XYLT1: variants seen among roughly 807,000 people sequenced by gnomAD.
XYLT1 encodes the protein xylosyltransferase 1, also known as beta-D-xylosyltransferase 1.
A neutral mutation model predicts 91.3 loss-of-function variants in XYLT1; 36 were observed. That is an observed-to-expected ratio of 0.39 (90% CI 0.30 to 0.52). The LOEUF is 0.52. Ranked by LOEUF, XYLT1 falls within the 20% of genes least tolerant of loss-of-function variation. The pLI, the probability that XYLT1 is intolerant of heterozygous loss-of-function variation, is 0.68. For missense variants in XYLT1, 1,242 were observed against 1,284.5 expected (o/e 0.97, Z 0.51); for synonymous variants, 588 against 532.0 (o/e 1.11, Z -1.45).
At chr16:17,437,712 C>T (rs757144864) in intron 1 of XYLT1, among the ~76,000 whole-genome samples, 1 of 152,150 alleles carries the variant, frequency 6.6e-6, no homozygotes, top group Non-Finnish European at 1.5e-5. Context: ...TCTCCCCATG[C>T]ACCAATTACA....
chr16:17,285,939 TGAGAGA>T (rs759536733), intron 2 of XYLT1, among the ~76,000 whole-genome samples: 1 of 120,136 alleles, frequency 8.3e-6, no homozygotes, highest in Non-Finnish European at 1.8e-5. Flanking sequence ...TGTGAGTGAG[TGAGAGA>T]GAGAGAGAAA....
Position 17,470,756 on chromosome 16 carries a change from G to T in XYLT1, c.41C>A (p.Ser14Ter), listed in dbSNP as rs558470371. 1 of 1,097,616 alleles carries T rather than the reference G, an allele frequency of 9.1e-7. No individual in the cohort carries two copies. The highest frequency in any genetic ancestry group is 2.3e-5 in the South Asian group (1 of 44,396). 68.0% of individuals were successfully genotyped at this position (1,097,616 alleles called of 1,614,324 possible). The change falls in exon 1 of 12, where the codon TCG becomes TAG. Residue 14 changes from serine (S) to a stop codon, truncating the protein, a stop_gained. Transcript: ENST00000261381. LOFTEE classifies it high-confidence loss of function. ...APCARRLARR[S>*]HSALLAALTV... ...GAGCGCCGCGAGCAGCGCCGAGTGC[G>T]AGCGCCGGGCCAGCCTCCGGGCGCA...
chr16:17,252,947 A>G (rs576290488), intron 3 of XYLT1, among the ~76,000 whole-genome samples: 2 of 152,322 alleles, frequency 1.3e-5, no homozygotes, highest in South Asian at 2.1e-4. Flanking sequence ...GCTTATATGT[A>G]TATGAATATT....
intron 5 of XYLT1, among the ~76,000 whole-genome samples, chr16:17,167,288 T>A (rs2031711363): frequency 6.6e-6 from 1 of 152,284 alleles, no homozygotes; most frequent in Non-Finnish European, 1.5e-5. Flanking sequence ...TCAAGGGGAC[T>A]GTTGTTGAGT....
chr16:17,449,060 G>C (rs2036630866), intron 1 of XYLT1, among the ~76,000 whole-genome samples: 1 of 152,160 alleles, frequency 6.6e-6, no homozygotes, highest in African/African-American at 2.4e-5. Context: ...GGACGTTTTG[G>C]TGGAGAAGGA....
intron 2 of XYLT1, among the ~76,000 whole-genome samples, chr16:17,296,445 G>A (rs1387815873): frequency 6.6e-6 from 1 of 152,140 alleles, no homozygotes; most frequent in African/African-American, 2.4e-5. Context: ...TTGTGTGGGT[G>A]ATTAAAGCAG....
intron 3 of XYLT1, among the ~76,000 whole-genome samples, chr16:17,233,518 C>T (rs564397297): frequency 3.9e-5 from 6 of 152,214 alleles, no homozygotes; most frequent in South Asian, 4.1e-4. Context: ...CCTGCAGACG[C>T]GCCCTGCTTC....
At chr16:17,402,037 G>A (rs1459451958) in intron 1 of XYLT1, among the ~76,000 whole-genome samples, 2 of 152,002 alleles carry the variant, frequency 1.3e-5, no homozygotes, top group Non-Finnish European at 2.9e-5. Context: ...GGTGGCTCAC[G>A]CCTGTAATCC....
At chr16:17,374,254 T>C (rs1047570384) in intron 1 of XYLT1, among the ~76,000 whole-genome samples, 1 of 151,932 alleles carries the variant, frequency 6.6e-6, no homozygotes, top group African/African-American at 2.4e-5. Flanking sequence ...AGAAGGTGAG[T>C]AGCATATGAT....
chr16:17,356,191 T>C (rs2035292613), intron 2 of XYLT1, among the ~76,000 whole-genome samples: 1 of 152,174 alleles, frequency 6.6e-6, no homozygotes, highest in Admixed American at 6.5e-5. Context: ...CCCCCCGGTT[T>C]AGAACCATTA....
intron 1 of XYLT1, among the ~76,000 whole-genome samples, chr16:17,416,260 G>A (rs1348483728): frequency 1.3e-5 from 2 of 152,370 alleles, no homozygotes; most frequent in South Asian, 2.1e-4. Context: ...GATAAACTGT[G>A]AGACTCCACG....
chr16:17,321,411 G>T (rs2034719297), intron 2 of XYLT1, among the ~76,000 whole-genome samples: 1 of 125,034 alleles, frequency 8.0e-6, no homozygotes, highest in Non-Finnish European at 1.6e-5. Flanking sequence ...AGGCTGGAGT[G>T]CAGTGGCATG....
intron 1 of XYLT1, among the ~76,000 whole-genome samples, chr16:17,417,652 C>T (rs1363665323): frequency 3.9e-5 from 6 of 152,272 alleles, no homozygotes; most frequent in East Asian, 1.9e-4. Context: ...TAGGCATATG[C>T]GTCAGATTCA....
chr16:17,122,367 A>C (rs2030094286), intron 10 of XYLT1, among the ~76,000 whole-genome samples: 1 of 152,128 alleles, frequency 6.6e-6, no homozygotes. Context: ...GCATTTTTTC[A>C]TATGTTCGTT....
chr16:17,313,286 C>T (rs1406037637), intron 2 of XYLT1, among the ~76,000 whole-genome samples: 3 of 152,196 alleles, frequency 2.0e-5, no homozygotes, highest in South Asian at 2.1e-4. Flanking sequence ...CTCAGCCCTC[C>T]GCCAACCTCC....
intron 3 of XYLT1, among the ~76,000 whole-genome samples, chr16:17,219,367 C>T (rs1297328179): frequency 6.6e-6 from 1 of 151,514 alleles, no homozygotes; most frequent in African/African-American, 2.4e-5. Flanking sequence ...TGCAGGGCTG[C>T]ACACTGGACC....
chr16:17,323,922 C>T (rs776405710), intron 2 of XYLT1, among the ~76,000 whole-genome samples: 2 of 152,190 alleles, frequency 1.3e-5, no homozygotes, highest in Non-Finnish European at 2.9e-5. Context: ...AAACATTTAA[C>T]TTATTCAGAG....
chr16:17,223,426 A>G (rs1269131163), intron 3 of XYLT1, among the ~76,000 whole-genome samples: 1 of 152,270 alleles, frequency 6.6e-6, no homozygotes, highest in African/African-American at 2.4e-5. Context: ...GGCACTCACT[A>G]CAACCTACTT....
chr16:17,407,914 C>G (rs1223504040), intron 1 of XYLT1, among the ~76,000 whole-genome samples: 2 of 152,200 alleles, frequency 1.3e-5, no homozygotes, highest in African/African-American at 2.4e-5. Flanking sequence ...TCTGCAAGAG[C>G]TGGATGTTTA....
Sources: allele counts gnomAD v4.1 joint callset (sites outside exome capture counted in the v4.1 genomes callset), GRCh38; gene constraint gnomAD v4.1.1; transcripts MANE v1.5; gene names NCBI Gene and HGNC (gene_info 2026-07-23, HGNC 2026-07-21).